The following GYPC variants were observed in gnomAD, a reference collection of about 807,000 sequenced individuals.
GYPC encodes glycophorin C (Gerbich blood group).
In GYPC, 14 loss-of-function variants were observed where a neutral mutation model predicts 12.6. That is an observed-to-expected ratio of 1.11 (90% confidence interval 0.74 to 1.74). GYPC has a LOEUF of 1.74. Ranked by LOEUF, GYPC falls within the 40% of genes most tolerant of loss-of-function variation. GYPC has a pLI of 0.00. For missense variants in GYPC, 225 were observed against 172.1 expected (o/e 1.31, Z -1.72); for synonymous variants, 78 against 62.1 (o/e 1.26, Z -1.20).
rs560942282 is a variant in GYPC at position 126,695,952 on chromosome 2, T to C, written c.197T>C (p.Ile66Thr). 5.0e-6 allele frequency: 8 copies of C among 1,613,858 alleles called. No individual in the cohort carries two copies. Among genetic ancestry groups the C allele is most frequent in the South Asian group, 3.3e-5 (3 of 91,054 alleles). Reference protein sequence around the residue: ...IMDIVVIAGVIAAVAIVLVSL... With the variant: ...IMDIVVIAGVTAAVAIVLVSL... ...CACCTCTTCCCACCTGCAGGTGTGA[T>C]TGCTGCTGTGGCCATCGTCCTAGTC... Residue 66 changes from isoleucine (I) to threonine (T), a missense_variant, in exon 4 of 4, where the codon ATT (isoleucine) becomes ACT (threonine). Coordinates refer to ENST00000259254, the MANE Select transcript of GYPC (RefSeq NM_002101.5).
At chr2:126,668,848 T>C (rs1450479604) in intron 1 of GYPC, among the ~76,000 whole-genome samples, 1 of 152,182 alleles carries the variant, frequency 6.6e-6, no homozygotes, top group Admixed American at 6.5e-5. Flanking sequence ...GTTGGGCTTC[T>C]TGGGACAGCA....
intron 1 of GYPC, among the ~76,000 whole-genome samples, chr2:126,666,023 C>G (rs1682668294): frequency 1.3e-5 from 2 of 152,208 alleles, no homozygotes; most frequent in South Asian, 4.1e-4. Context: ...AGGTCGCTCT[C>G]CTGGCCTCTG....
chr2:126,671,485 C>T (rs1682854665), intron 1 of GYPC, among the ~76,000 whole-genome samples: 1 of 152,350 alleles, frequency 6.6e-6, no homozygotes, highest in Admixed American at 6.5e-5. Context: ...CACTTGCATG[C>T]TTCCTTATTG....
intron 1 of GYPC, chr2:126,675,853 T>G: frequency 5.2e-6 from 1 of 193,748 alleles, no homozygotes; most frequent in Non-Finnish European, 9.4e-6. Flanking sequence ...TGATATGTAC[T>G]GGGTTTAGCC....
chr2:126,673,387 T>C (rs1682905985), intron 1 of GYPC, among the ~76,000 whole-genome samples: 2 of 152,080 alleles, frequency 1.3e-5, no homozygotes, highest in Admixed American at 1.3e-4. Flanking sequence ...CCTGGGACAG[T>C]GGCAGGGTGG....
chr2:126,656,950 T>C (rs960853733), intron 1 of GYPC, among the ~76,000 whole-genome samples: 3 of 152,242 alleles, frequency 2.0e-5, no homozygotes, highest in African/African-American at 7.2e-5. Flanking sequence ...GCTGGGCCTC[T>C]CTCTGCCCTC....
intron 1 of GYPC, among the ~76,000 whole-genome samples, chr2:126,659,037 A>G (rs1325609922): frequency 6.6e-6 from 1 of 152,216 alleles, no homozygotes; most frequent in African/African-American, 2.4e-5. Flanking sequence ...AGATCTTAAG[A>G]AACTACCCTC....
chr2:126,667,894 C>T (rs1216402695), intron 1 of GYPC, among the ~76,000 whole-genome samples: 1 of 152,200 alleles, frequency 6.6e-6, no homozygotes, highest in Non-Finnish European at 1.5e-5. Context: ...AGGTGCTGCA[C>T]AGGAGACATA....
At chr2:126,661,958 C>CACA (rs1247833123) in intron 1 of GYPC, among the ~76,000 whole-genome samples, 1 of 152,222 alleles carries the variant, frequency 6.6e-6, no homozygotes, top group Non-Finnish European at 1.5e-5. Flanking sequence ...CTGCACTTTG[C>CACA]ACATGATGGT....
At chr2:126,663,252 TG>T (rs1682585605) in intron 1 of GYPC, among the ~76,000 whole-genome samples, 1 of 151,924 alleles carries the variant, frequency 6.6e-6, no homozygotes, top group East Asian at 1.9e-4. Flanking sequence ...TGGCCAGGAT[TG>T]TCTCAATCTC....
In GYPC at chr2:126,656,317, G is replaced by C. The variant is rs1477780780; in HGVS notation, c.49+5G>C. On this transcript the variant is annotated splice_donor_5th_base_variant and intron_variant, in intron 1 of 3. Transcript: ENST00000259254. Reference sequence around the variant, plus strand: ...CGGCGTGGCCTCTCAGCCTCGGTGAGTACCCGCCGTGGGGAAGGGTCCTGG... The same window carrying C: ...CGGCGTGGCCTCTCAGCCTCGGTGACTACCCGCCGTGGGGAAGGGTCCTGG... 1 of 1,572,636 alleles carries C rather than the reference G, an allele frequency of 6.4e-7. No individual in the cohort carries two copies. The highest frequency in any genetic ancestry group is 1.4e-5 in the African/African-American group (1 of 73,608).
rs1363700580 is a variant in GYPC at position 126,693,940 on chromosome 2, C to G, written c.183C>G (p.Val61=). 3 of 1,605,064 alleles carry G rather than the reference C, an allele frequency of 1.9e-6. No individual in the cohort carries two copies. Among genetic ancestry groups the G allele is most frequent in the Non-Finnish European group, 2.6e-6 (3 of 1,171,892 alleles). The stretch of plus-strand genomic sequence containing the variant: ...CCCCCACCATAATGGACATTGTCGT[C>G]ATTGCAGGTGAGCTCTCATCACAGA... ...TSTPTIMDIV[V]IAGVIAAVAI... The change falls in exon 3 of 4, where the codon GTC becomes GTG. Residue 61 remains valine, a synonymous_variant. Coordinates refer to ENST00000259254, the MANE Select transcript of GYPC (RefSeq NM_002101.5).
chr2:126,691,847 C>T (rs1052189449), intron 2 of GYPC, among the ~76,000 whole-genome samples: 2 of 152,180 alleles, frequency 1.3e-5, no homozygotes, highest in Non-Finnish European at 2.9e-5. Context: ...TAAATGCTGT[C>T]TTCACCTGGA....
intron 2 of GYPC, among the ~76,000 whole-genome samples, chr2:126,691,267 C>A (rs1488703655): frequency 6.6e-6 from 1 of 152,146 alleles, no homozygotes; most frequent in African/African-American, 2.4e-5. Flanking sequence ...ACTCAAAACA[C>A]CCCCACCCCA....
Position 126,657,896 on chromosome 2 carries a change from G to T in GYPC, c.49+1584G>T, listed in dbSNP as rs549963775. 1.8e-3 allele frequency: 272 copies of T among 153,620 alleles called. 2 individuals are homozygous for T. The highest frequency in any genetic ancestry group is 2.2e-3 in the Non-Finnish European group (151 of 69,114). The allele number at this position is 153,620 out of a possible 1,614,324, so 9.5% of individuals were successfully genotyped here. ...GCTGTGCGAGAACTGCAGGGGGGGT[G>T]GGGGGCGGCTATTTCTTGCTGCTAA... is the stretch of plus-strand genomic sequence containing the variant. On this transcript the variant is annotated intron_variant, in intron 1 of 3. Coordinates refer to ENST00000259254, the MANE Select transcript of GYPC (RefSeq NM_002101.5).
intron 1 of GYPC, chr2:126,658,459 C>T (rs1682433765): frequency 6.6e-6 from 1 of 152,232 alleles, no homozygotes; most frequent in African/African-American, 2.4e-5. Flanking sequence ...GAGGTTGGGC[C>T]AAGTCAAGTC....
At position 126,687,083 on chromosome 2, in the gene GYPC, G is replaced by C. The variant is rs79462888; in HGVS notation, c.50-3172G>C. On this transcript the variant is annotated intron_variant, in intron 1 of 3. Coordinates refer to ENST00000259254, the MANE Select transcript of GYPC (RefSeq NM_002101.5). ...GTACAGTGTAAGGGAGTGCGCCAAG[G>C]GGGGCTCTCACCCCTCCATCTCCAG... 3.8e-3 allele frequency among the ~76,000 whole-genome samples: 579 copies of C among 152,218 alleles called. 4 individuals are homozygous for C. Among genetic ancestry groups the C allele is most frequent in the African/African-American group, 0.013 (560 of 41,530 alleles).
rs574198827 is a variant in GYPC, at chr2:126,660,638, T to C, written c.49+4326T>C. Among the ~76,000 whole-genome samples, 877 of 152,296 alleles carry C rather than the reference T, an allele frequency of 5.8e-3. 8 individuals are homozygous for C. Among genetic ancestry groups the C allele is most frequent in the African/African-American group, 0.02 (817 of 41,572 alleles). ...GGGCCTGTCACAGACAGGGGTTTGC[T>C]GAGCCACTTTGAGGCAGGTGGATGA... is the stretch of plus-strand genomic sequence containing the variant. On this transcript the variant is annotated intron_variant, in intron 1 of 3. Transcript: ENST00000259254.
In GYPC at chr2:126,696,566, C is replaced by T; in HGVS notation, c.*424C>T. 3.5e-6 allele frequency: 1 copy of T among 284,016 alleles called. No individual in the cohort carries two copies. The highest frequency in any genetic ancestry group is 6.9e-6 in the Non-Finnish European group (1 of 144,280). The allele number at this position is 284,016 out of a possible 1,614,324, so 17.6% of individuals were successfully genotyped here. ...GGGATAATGGCATCAAATGTCAGTC[C>T]TTGACATTTGGGGGGAACAGCAGGT... On this transcript the variant is annotated 3_prime_UTR_variant, in exon 4 of 4. Transcript: ENST00000259254.
Sources: allele counts gnomAD v4.1 joint callset (sites outside exome capture counted in the v4.1 genomes callset), GRCh38; gene constraint gnomAD v4.1.1; transcripts MANE v1.5; gene names NCBI Gene and HGNC (gene_info 2026-07-23, HGNC 2026-07-21).